The following LRMDA variants were observed in gnomAD, a reference collection of about 807,000 sequenced individuals.
The protein encoded by LRMDA is leucine rich melanocyte differentiation associated.
LRMDA carries 18 observed loss-of-function variants against 29.8 expected under a neutral mutation model. The observed-to-expected ratio is 0.60, with a 90% CI of 0.42 to 0.90. LRMDA has a LOEUF of 0.90. LRMDA is among the 40% of genes least tolerant of loss of function. LRMDA has a pLI of 0.00. For synonymous variants in LRMDA, 125 were observed against 109.4 expected (o/e 1.14, Z -0.89); for missense variants, 273 against 273.9 (o/e 1.00, Z 0.02).
chr10:75,649,214 T>C (rs1295449677), intron 2 of LRMDA, among the ~76,000 whole-genome samples: 4 of 152,218 alleles, frequency 2.6e-5, no homozygotes, highest in Non-Finnish European at 5.9e-5. Flanking sequence ...TATACAGTAT[T>C]TATCCTTTTG....
intron 2 of LRMDA, among the ~76,000 whole-genome samples, chr10:76,028,863 C>T (rs1216451052): frequency 1.4e-5 from 2 of 147,378 alleles, no homozygotes. Context: ...TGTCGCCAGG[C>T]TGAAGTACAG....
chr10:75,713,161 T>G (rs1256328126), intron 2 of LRMDA, among the ~76,000 whole-genome samples: 1 of 152,224 alleles, frequency 6.6e-6, no homozygotes, highest in Non-Finnish European at 1.5e-5. Flanking sequence ...TGTAACATTT[T>G]ACTTTAAGGT....
At chr10:76,312,115 G>T (rs1237054940) in intron 5 of LRMDA, among the ~76,000 whole-genome samples, 2 of 152,094 alleles carry the variant, frequency 1.3e-5, no homozygotes, top group East Asian at 3.9e-4. Flanking sequence ...ATTTATGGCT[G>T]AGCACATTAA....
At chr10:76,391,130 G>A (rs900514765) in intron 6 of LRMDA, among the ~76,000 whole-genome samples, 1 of 152,166 alleles carries the variant, frequency 6.6e-6, no homozygotes, top group Non-Finnish European at 1.5e-5. Flanking sequence ...GGTCAGCTGT[G>A]CCTAAAATGC....
chr10:75,474,200 A>G (rs371005985), intron 2 of LRMDA, among the ~76,000 whole-genome samples: 27 of 152,376 alleles, frequency 1.8e-4, no homozygotes, highest in Admixed American at 5.2e-4. Context: ...AATACCTGGT[A>G]TCAGGATGAA....
chr10:76,173,485 G>A lies in LRMDA; in HGVS notation c.516+114702G>A, dbSNP rs184461345. The stretch of plus-strand genomic sequence containing the variant: ...GATAAGGAACCAGATAGAAGGCACA[G>A]ATTACCAATATCAAGAATAAAAGAG... On this transcript the variant is annotated intron_variant, in intron 5 of 6. Transcript: ENST00000611255. 2.5e-3 allele frequency among the ~76,000 whole-genome samples: 386 copies of A among 152,270 alleles called. 1 individual carries two copies. Among genetic ancestry groups the A allele is most frequent in the African/African-American group, 6.1e-3 (255 of 41,544 alleles).
chr10:76,143,965 T>A (rs1434694243), intron 5 of LRMDA, among the ~76,000 whole-genome samples: 4 of 152,324 alleles, frequency 2.6e-5, no homozygotes, highest in East Asian at 3.9e-4. Context: ...TCCCCATTGC[T>A]TGTTTTTGTC....
At position 75,960,749 on chromosome 10, in the gene LRMDA, A is replaced by C. The variant is rs1306281619; in HGVS notation, c.132-75259A>C. Among the ~76,000 whole-genome samples the C allele has an allele frequency of 6.5e-4, 99 of 152,140 alleles. 1 individual carries two copies. Among genetic ancestry groups the C allele is most frequent in the Non-Finnish European group, 8.8e-5 (6 of 67,992 alleles). On this transcript the variant is annotated intron_variant, in intron 2 of 6. Coordinates refer to ENST00000611255, the MANE Select transcript of LRMDA (RefSeq NM_001305581.2). The stretch of plus-strand genomic sequence containing the variant: ...CTGCCTCAGCCTCCTGAGTAGCTGG[A>C]ACTTCAGGCATGTGCCACCACGCCT...
intron 2 of LRMDA, among the ~76,000 whole-genome samples, chr10:75,771,569 CT>C (rs2132235334): frequency 6.6e-6 from 1 of 152,132 alleles, no homozygotes; most frequent in African/African-American, 2.4e-5. Flanking sequence ...GCTGAAAGAG[CT>C]TTAAGGTGAG....
At chr10:76,136,512 T>A (rs1850097179) in intron 5 of LRMDA, among the ~76,000 whole-genome samples, 1 of 152,268 alleles carries the variant, frequency 6.6e-6, no homozygotes, top group South Asian at 2.1e-4. Flanking sequence ...ATGAGTAAAC[T>A]ATTACCTAAT....
At chr10:76,384,774 A>G (rs1307987458) in intron 6 of LRMDA, among the ~76,000 whole-genome samples, 1 of 152,202 alleles carries the variant, frequency 6.6e-6, no homozygotes, top group Non-Finnish European at 1.5e-5. Flanking sequence ...TTTCTTCCAC[A>G]TGTGTTAATA....
intron 2 of LRMDA, among the ~76,000 whole-genome samples, chr10:75,511,832 T>G (rs1320549126): frequency 6.6e-6 from 1 of 152,088 alleles, no homozygotes; most frequent in Non-Finnish European, 1.5e-5. Flanking sequence ...GAGAATTGGG[T>G]CTTCTGGATT....
chr10:75,525,576 TTTTC>T (rs1195803004), intron 2 of LRMDA, among the ~76,000 whole-genome samples: 79 of 144,266 alleles, frequency 5.5e-4, no homozygotes, highest in Non-Finnish European at 1.0e-3. Flanking sequence ...TTTCTTTTCT[TTTTC>T]TTTCTTTCTT....
chr10:75,623,094 G>T (rs1424563623), intron 2 of LRMDA, among the ~76,000 whole-genome samples: 1 of 152,176 alleles, frequency 6.6e-6, no homozygotes, highest in African/African-American at 2.4e-5. Flanking sequence ...ACATGCTGAA[G>T]CACCTGCAGT....
intron 2 of LRMDA, among the ~76,000 whole-genome samples, chr10:75,850,056 C>T (rs1436818827): frequency 6.6e-6 from 1 of 152,112 alleles, no homozygotes; most frequent in Admixed American, 6.5e-5. Context: ...TGATGATAAA[C>T]ATGGTGTTTT....
chr10:75,928,423 C>T (rs376156769), intron 2 of LRMDA, among the ~76,000 whole-genome samples: 2 of 152,076 alleles, frequency 1.3e-5, no homozygotes, highest in Admixed American at 6.5e-5. Context: ...TAACCCCTTA[C>T]TCCAGTGAAG....
intron 2 of LRMDA, among the ~76,000 whole-genome samples, chr10:76,018,220 C>T (rs1847910405): frequency 6.6e-6 from 1 of 152,168 alleles, no homozygotes; most frequent in African/African-American, 2.4e-5. Flanking sequence ...ACCAGTGACA[C>T]TTTGGGACAG....
At chr10:75,828,171 G>GA (rs1476790726) in intron 2 of LRMDA, among the ~76,000 whole-genome samples, 2 of 152,004 alleles carry the variant, frequency 1.3e-5, no homozygotes, top group Non-Finnish European at 2.9e-5. Flanking sequence ...TGCTCCCCAG[G>GA]AAAAAAATGA....
At chr10:76,000,205 C>G (rs2132468073) in intron 2 of LRMDA, among the ~76,000 whole-genome samples, 1 of 152,210 alleles carries the variant, frequency 6.6e-6, no homozygotes, top group East Asian at 1.9e-4. Context: ...GAGGATGGCG[C>G]TGATGAATGC....
Sources: allele counts gnomAD v4.1 joint callset (sites outside exome capture counted in the v4.1 genomes callset), GRCh38; gene constraint gnomAD v4.1.1; transcripts MANE v1.5; gene names NCBI Gene and HGNC (gene_info 2026-07-23, HGNC 2026-07-21).